The following PRR16 variants were observed in gnomAD, a reference collection of about 807,000 sequenced individuals.
PRR16 encodes protein Largen.
In PRR16, 6 loss-of-function variants were observed where a neutral mutation model predicts 18.2. The observed-to-expected ratio is 0.33, with a 90% CI of 0.18 to 0.65. PRR16 has a LOEUF of 0.65. Among genes scored for constraint, PRR16 ranks in the 30% least tolerant of loss-of-function variants. PRR16 has a pLI of 0.74. For missense variants in PRR16, 412 were observed against 376.6 expected (o/e 1.09, Z -0.78); for synonymous variants, 151 against 147.8 (o/e 1.02, Z -0.16).
chr5:120,537,127 CAACA>C (rs935713046), intron 1 of PRR16, among the ~76,000 whole-genome samples: 29 of 152,074 alleles, frequency 1.9e-4, no homozygotes, highest in African/African-American at 7.0e-4. Context: ...ATAATCTGTA[CAACA>C]AACCCTCAAG....
chr5:120,756,105 G>A, the PRR16 span, among the ~76,000 whole-genome samples: 1 of 152,084 alleles, frequency 6.6e-6, no homozygotes, highest in African/African-American at 2.4e-5. Flanking sequence ...TGTCTGATTG[G>A]TTGCCTGAGG....
At chr5:120,726,282 G>A in the PRR16 span, among the ~76,000 whole-genome samples, 1 of 151,990 alleles carries the variant, frequency 6.6e-6, no homozygotes, top group East Asian at 1.9e-4. Flanking sequence ...ATTATCTGTG[G>A]ATGTCAAGAA....
chr5:120,474,222 A>G (rs1005599851), intron 1 of PRR16, among the ~76,000 whole-genome samples: 1 of 152,102 alleles, frequency 6.6e-6, no homozygotes, highest in Non-Finnish European at 1.5e-5. Flanking sequence ...TCATCTTTTT[A>G]CCTTTAATCA....
chr5:120,741,558 C>T, the PRR16 span, among the ~76,000 whole-genome samples: 1 of 152,098 alleles, frequency 6.6e-6, no homozygotes, highest in East Asian at 1.9e-4. Flanking sequence ...CAGAAAAAAG[C>T]ATTCAATATT....
At chr5:120,718,372 C>G in the PRR16 span, among the ~76,000 whole-genome samples, 1 of 152,076 alleles carries the variant, frequency 6.6e-6, no homozygotes, top group Admixed American at 6.6e-5. Flanking sequence ...AATGGTGGTT[C>G]AGGAGCAAAT....
At chr5:120,490,444 C>T (rs1026141482) in intron 1 of PRR16, among the ~76,000 whole-genome samples, 8 of 152,182 alleles carry the variant, frequency 5.3e-5, no homozygotes, top group African/African-American at 1.9e-4. Flanking sequence ...TTGATCGAAT[C>T]AGCTACTGAG....
chr5:120,754,231 A>ATTATAAATTATATATTATAATATATAAT, the PRR16 span, among the ~76,000 whole-genome samples: 6 of 87,646 alleles, frequency 6.8e-5, no homozygotes, highest in East Asian at 1.6e-3. Flanking sequence ...TATATAATAT[A>ATTATAAATTATATATTATAATATATAAT]ATATATAATT....
chr5:120,702,262 A>G, the PRR16 span, among the ~76,000 whole-genome samples: 1,204 of 51,008 alleles, frequency 0.024, 12 homozygotes, highest in African/African-American at 0.052. Flanking sequence ...GGGCACGGAA[A>G]TAAGGGGTCG....
chr5:120,687,399 G>C (rs1411659364), downstream of PRR16: 4 of 152,204 alleles, frequency 2.6e-5, no homozygotes, highest in East Asian at 7.7e-4. Context: ...GACAGAGTTT[G>C]GAGAAGTTAC....
intron 1 of PRR16, among the ~76,000 whole-genome samples, chr5:120,564,204 C>T (rs895448611): frequency 5.9e-5 from 9 of 152,142 alleles, no homozygotes; most frequent in African/African-American, 1.9e-4. Flanking sequence ...TGAGCTGCAA[C>T]GCCTTCGGTT....
intron 1 of PRR16, among the ~76,000 whole-genome samples, chr5:120,608,381 TG>T (rs1168121636): frequency 6.6e-6 from 1 of 152,192 alleles, no homozygotes; most frequent in Non-Finnish European, 1.5e-5. Context: ...TATGTAGGAA[TG>T]TTGAAACCAG....
chr5:120,484,401 A>G (rs1749721414), intron 1 of PRR16, among the ~76,000 whole-genome samples: 1 of 145,944 alleles, frequency 6.9e-6, no homozygotes, highest in African/African-American at 2.5e-5. Context: ...TATAATATAT[A>G]AGAATATATA....
chr5:120,491,092 C>T (rs796664330), intron 1 of PRR16, among the ~76,000 whole-genome samples: 14 of 152,246 alleles, frequency 9.2e-5, no homozygotes, highest in African/African-American at 3.1e-4. Flanking sequence ...TTAGGCTACT[C>T]GGGGTCAGGG....
chr5:120,508,920 T>C (rs774636383), intron 1 of PRR16, among the ~76,000 whole-genome samples: 1 of 152,142 alleles, frequency 6.6e-6, no homozygotes. Flanking sequence ...TTTATTACTA[T>C]ATGCTCCTTT....
At chr5:120,611,484 T>G (rs1344790571) in intron 1 of PRR16, among the ~76,000 whole-genome samples, 1 of 152,154 alleles carries the variant, frequency 6.6e-6, no homozygotes, top group Non-Finnish European at 1.5e-5. Context: ...CCCCATGCTG[T>G]GTGCAGCCTA....
At chr5:120,766,012 G>A in the PRR16 span, among the ~76,000 whole-genome samples, 40,066 of 151,834 alleles carry the variant, frequency 0.26, 5,620 homozygotes, top group Non-Finnish European at 0.3. Context: ...GTGTTTATAG[G>A]TATAGTTAAT....
chr5:120,588,582 A>AT (rs918754341), intron 1 of PRR16, among the ~76,000 whole-genome samples: 3 of 152,152 alleles, frequency 2.0e-5, no homozygotes, highest in African/African-American at 4.8e-5. Flanking sequence ...AGGTATGCAC[A>AT]TTTTTTTAGA....
chr5:120,768,263 C>T, the PRR16 span, among the ~76,000 whole-genome samples: 2 of 151,730 alleles, frequency 1.3e-5, no homozygotes, highest in African/African-American at 4.8e-5. Flanking sequence ...TTATAAAATG[C>T]ACCACACAAT....
At chr5:120,758,471 A>G in the PRR16 span, among the ~76,000 whole-genome samples, 1 of 152,114 alleles carries the variant, frequency 6.6e-6, no homozygotes, top group Non-Finnish European at 1.5e-5. Context: ...TTACTTAGTT[A>G]ATATGGTTTC....
Sources: gnomAD v4.1 joint callset for allele counts (sites outside exome capture counted in the v4.1 genomes callset) on GRCh38, gnomAD v4.1.1 for gene constraint, MANE v1.5 for transcripts, NCBI Gene and HGNC (gene_info 2026-07-23, HGNC 2026-07-21) for gene names.